The following STRBP variants were observed in gnomAD, a reference collection of about 807,000 sequenced individuals.
The protein encoded by STRBP is spermatid perinuclear RNA binding protein, also known as spermatid perinuclear RNA-binding protein.
Under a neutral mutation model 80.1 loss-of-function variants are expected in STRBP, and 13 were observed. The ratio of observed to expected loss-of-function variants is 0.16; its 90% confidence interval spans 0.11 to 0.26. STRBP has a LOEUF of 0.26. STRBP is among the 10% of genes least tolerant of loss of function. The pLI is 1.00. For synonymous variants in STRBP, 284 were observed against 291.2 expected (o/e 0.98, Z 0.25); for missense variants, 485 against 815.2 (o/e 0.59, Z 4.93).
intron 13 of STRBP, 46 bp from the exon 14 acceptor site, chr9:123,139,733 C>A (rs2036511320): frequency 6.3e-7 from 1 of 1,578,008 alleles, no homozygotes. Context: ...ACACGAGAAA[C>A]CAGAGAATAG....
At chr9:123,144,436 C>T (rs1393938474) in intron 13 of STRBP, among the ~76,000 whole-genome samples, 1 of 152,006 alleles carries the variant, frequency 6.6e-6, no homozygotes, top group African/African-American at 2.4e-5. Flanking sequence ...ATAAAATAAT[C>T]CCACTAAATA....
In STRBP at chr9:123,136,171, T is replaced by C. The variant is rs2036346189; in HGVS notation, c.1643A>G (p.Asp548Gly). 6.2e-7 allele frequency: 1 copy of C among 1,614,108 alleles called. No individual in the cohort carries two copies. The highest frequency in any genetic ancestry group is 1.3e-5 in the African/African-American group (1 of 74,948). Residue 548 changes from aspartate to glycine, a missense_variant, in exon 16 of 19, where the codon GAT becomes GGT. By Grantham distance (94) the Asp-to-Gly change is moderately conservative (BLOSUM62 -1). Transcript: ENST00000348403. The surrounding 1 kb of genome is among the most constrained non-coding windows in gnomAD (Gnocchi z 4.2). ...ACCTGCGCCTCTGAATTTCTGTCCATCTACTTCTACCTACAATCAAGAATA... is the reference window on the plus strand; with the variant it reads ...ACCTGCGCCTCTGAATTTCTGTCCACCTACTTCTACCTACAATCAAGAATA... ...DKRFVMEVEV[D>G]GQKFRGAGPN... is the part of the protein sequence containing the mutation.
intron 8 of STRBP, 101 bp downstream of exon 8, chr9:123,160,266 G>T: frequency 1.4e-6 from 1 of 696,460 alleles, no homozygotes; most frequent in South Asian, 3.7e-5. Context: ...GCATGCCTTA[G>T]CTAACTTAGG....
chr9:123,266,890 C>T (rs901942838), intron 1 of STRBP, among the ~76,000 whole-genome samples: 1 of 151,926 alleles, frequency 6.6e-6, no homozygotes, highest in Non-Finnish European at 1.5e-5. Context: ...CTCCCTACAG[C>T]ACAAAATTCA....
At chr9:123,119,521 C>A (rs745616959), downstream of STRBP, among the ~76,000 whole-genome samples, 1 of 152,002 alleles carries the variant, frequency 6.6e-6, no homozygotes, top group Non-Finnish European at 1.5e-5. Flanking sequence ...TAGCTCTCAC[C>A]AGGTCTTTGG....
In STRBP at chr9:123,233,712, T is replaced by C. The variant is rs370476016; in HGVS notation, c.-165+3118A>G. 5.2e-5 allele frequency among the ~76,000 whole-genome samples: 8 copies of C among 152,388 alleles called. No individual in the cohort carries two copies. The East Asian group carries it at 1.2e-3, about 22-fold the overall frequency. The stretch of plus-strand genomic sequence containing the variant: ...AAAATGTAACAGCAATACATCTGCA[T>C]TGATTTACATGGGAAAGTCTACATA... On this transcript the variant is annotated intron_variant, in intron 2 of 18. Transcript: ENST00000348403.
At chr9:123,184,594 TAATACTACCACTG>T (rs2038621114) in intron 2 of STRBP, among the ~76,000 whole-genome samples, 1 of 151,986 alleles carries the variant, frequency 6.6e-6, no homozygotes. Context: ...CCTGAAAGAG[TAATACTACCACTG>T]ATGGCAACAA....
chr9:123,141,387 G>C (rs754715344), intron 13 of STRBP, among the ~76,000 whole-genome samples: 2 of 152,058 alleles, frequency 1.3e-5, no homozygotes, highest in Non-Finnish European at 2.9e-5. Flanking sequence ...AAAGTGCTCA[G>C]GTAATACTTT....
In STRBP at chr9:123,126,146, C is replaced by G. The variant is rs2035885620; in HGVS notation, c.1943-473G>C. ...ATGGCTATGGCCAATATTGGCATGG[C>G]AAATCTGGAAAGATTAATTACTTTC... On this transcript the variant is annotated intron_variant, in intron 18 of 18. Transcript: ENST00000348403. The surrounding 1 kb of genome is among the most constrained non-coding windows in gnomAD (Gnocchi z 4.4). Among the ~76,000 whole-genome samples, 1 of 152,186 alleles carries G rather than the reference C, an allele frequency of 6.6e-6. No homozygotes were observed. Among genetic ancestry groups the G allele is most frequent in the Admixed American group, 6.5e-5 (1 of 15,280 alleles).
chr9:123,250,009 A>G (rs2040878759), intron 1 of STRBP, among the ~76,000 whole-genome samples: 1 of 152,240 alleles, frequency 6.6e-6, no homozygotes, highest in African/African-American at 2.4e-5. Flanking sequence ...GTATAGATAA[A>G]AGATCCAATC....
At chr9:123,231,969 A>T (rs185283110) in intron 2 of STRBP, among the ~76,000 whole-genome samples, 1 of 152,290 alleles carries the variant, frequency 6.6e-6, no homozygotes, top group East Asian at 1.9e-4. Flanking sequence ...GTTCTTCTAT[A>T]AGGAATATCC....
chr9:123,147,503 CTG>C (rs1303927717), intron 12 of STRBP, among the ~76,000 whole-genome samples: 2 of 151,836 alleles, frequency 1.3e-5, no homozygotes, highest in African/African-American at 2.4e-5. Flanking sequence ...TGGCAAAATC[CTG>C]TCTCTACCAA....
rs906565667 is a variant in STRBP at position 123,259,086 on chromosome 9, T to C, written c.-302+9350A>G. Among the ~76,000 whole-genome samples, 3 of 146,528 alleles carry C rather than the reference T, an allele frequency of 2.0e-5. No individual in the cohort carries two copies. The Admixed American group carries it at 2.1e-4, about 10-fold the overall frequency. On this transcript the variant is annotated intron_variant, in intron 1 of 18. Coordinates refer to ENST00000348403, the MANE Select transcript of STRBP (RefSeq NM_018387.5). Reference sequence around the variant, plus strand: ...GCAAAAAAAAAAAAAGGGGGGGGGATTACTGCAATAATTTGGAGAAGGTAA... The same window carrying C: ...GCAAAAAAAAAAAAAGGGGGGGGGACTACTGCAATAATTTGGAGAAGGTAA...
In STRBP at chr9:123,235,627, A is replaced by G. The variant is rs529611531; in HGVS notation, c.-165+1203T>C. Among the ~76,000 whole-genome samples, 4 of 143,220 alleles carry G rather than the reference A, an allele frequency of 2.8e-5. No homozygotes were observed. In the East Asian group the frequency reaches 9.1e-4, roughly 33 times the overall value. 94.0% of individuals were successfully genotyped at this position (143,220 alleles called of 152,430 possible). A position where few individuals can be genotyped will look rare whatever the true frequency, so the allele number is the denominator to read the frequency against. On this transcript the variant is annotated intron_variant, in intron 2 of 18. Coordinates refer to ENST00000348403, the MANE Select transcript of STRBP (RefSeq NM_018387.5). ...AAAAAAAAAAAAAAAGTTATCCCAG[A>G]GAGCTATTGGTTGGTCATTAACCAC...
intron 1 of STRBP, among the ~76,000 whole-genome samples, chr9:123,262,549 T>C (rs2041180800): frequency 6.6e-6 from 1 of 152,196 alleles, no homozygotes; most frequent in South Asian, 2.1e-4. Context: ...AAATGAACCA[T>C]GAAGTCACAC....
intron 11 of STRBP, among the ~76,000 whole-genome samples, chr9:123,152,773 A>G (rs1431578096): frequency 6.6e-6 from 1 of 152,158 alleles, no homozygotes; most frequent in Non-Finnish European, 1.5e-5. Context: ...AGCATGAAGC[A>G]GATCTTAATG....
At chr9:123,109,510 ATTTG>A (rs982690128), downstream of STRBP, 2 of 152,296 alleles carry the variant, frequency 1.3e-5, no homozygotes, top group African/African-American at 2.4e-5. Context: ...TGACAGAAGC[ATTTG>A]TTTGTTTTTA....
chr9:123,203,025 T>A (rs2039383852), intron 2 of STRBP, among the ~76,000 whole-genome samples: 1 of 152,182 alleles, frequency 6.6e-6, no homozygotes, highest in Non-Finnish European at 1.5e-5. Flanking sequence ...CCCCAGAGTT[T>A]ATTCTCAGCA....
intron 6 of STRBP, among the ~76,000 whole-genome samples, chr9:123,167,678 A>C (rs2132419199): frequency 6.6e-6 from 1 of 152,278 alleles, no homozygotes; most frequent in Admixed American, 6.5e-5. Flanking sequence ...AAGATGTGTA[A>C]AACATTAGAT....
Sources: allele counts gnomAD v4.1 joint callset (sites outside exome capture counted in the v4.1 genomes callset), GRCh38; gene constraint gnomAD v4.1.1; non-coding constraint Gnocchi (gnomAD v3.1); transcripts MANE v1.5; gene names NCBI Gene and HGNC (gene_info 2026-07-23, HGNC 2026-07-21).